Variants in SMAD1 observed in about 807,000 individuals in gnomAD.
SMAD1 encodes the protein MAD, mothers against decapentaplegic homolog 1.
A neutral mutation model predicts 41.6 loss-of-function variants in SMAD1; 6 were observed. The ratio of observed to expected loss-of-function variants is 0.14; its 90% CI spans 0.08 to 0.28. The LOEUF is 0.28. Among genes scored for constraint, SMAD1 ranks in the 10% least tolerant of loss-of-function variants. The probability of loss-of-function intolerance (pLI) is 1.00; values close to 1 mark genes in which losing one functional copy is unlikely to be tolerated. For missense variants in SMAD1, 379 were observed against 582.6 expected (o/e 0.65, Z 3.60); for synonymous variants, 206 against 203.2 (o/e 1.01, Z -0.12).
chr4:145,542,375 A>G (rs1376459426), intron 3 of SMAD1, among the ~76,000 whole-genome samples: 2 of 152,184 alleles, frequency 1.3e-5, no homozygotes, highest in African/African-American at 4.8e-5. Flanking sequence ...CTCCCACTGA[A>G]TTTTCACAAA....
chr4:145,525,039 A>G (rs553337780), intron 2 of SMAD1, among the ~76,000 whole-genome samples: 1 of 152,308 alleles, frequency 6.6e-6, no homozygotes, highest in East Asian at 1.9e-4. Flanking sequence ...AGGAGGAGTC[A>G]CAGGTGATTT....
intron 2 of SMAD1, among the ~76,000 whole-genome samples, chr4:145,521,172 T>C (rs1730722093): frequency 6.6e-6 from 1 of 152,206 alleles, no homozygotes; most frequent in Admixed American, 6.5e-5. Flanking sequence ...GGCTACTTAT[T>C]AGTGGTTGAA....
At chr4:145,505,386 A>G (rs1578758812) in intron 1 of SMAD1, among the ~76,000 whole-genome samples, 1 of 152,162 alleles carries the variant, frequency 6.6e-6, no homozygotes, top group Admixed American at 6.5e-5. Context: ...TGTCTCTGAG[A>G]TATCTTGCAT....
rs1730990408 is a variant in SMAD1, at chr4:145,525,845, A to G, written c.400+10832A>G. 6 of 152,246 alleles carry G rather than the reference A, an allele frequency of 3.9e-5. No individual in the cohort carries two copies. In the South Asian group the frequency reaches 1.2e-3, roughly 31 times the overall value. The allele number at this position is 152,246 out of a possible 1,614,324, so 9.4% of individuals were successfully genotyped here. ...GTGTAATTTCCTTGATAAAAGATCTAGGGTGTTGGAAACACATTCTGTGGC... is the reference window on the plus strand; with the variant it reads ...GTGTAATTTCCTTGATAAAAGATCTGGGGTGTTGGAAACACATTCTGTGGC... On this transcript the variant is annotated intron_variant, in intron 2 of 6. Transcript: ENST00000302085.
In SMAD1 at chr4:145,553,872, C is replaced by T. The variant is rs1732691831; in HGVS notation, c.1086C>T (p.Tyr362=). The T allele has an allele frequency of 6.2e-7, 1 of 1,614,056 alleles. No individual in the cohort carries two copies. The change falls in exon 6 of 7, where the codon TAC becomes TAT. Residue 362 remains tyrosine (Y), a synonymous_variant. Coordinates refer to ENST00000302085, the MANE Select transcript of SMAD1 (RefSeq NM_005900.3). ...TTGTGCAAAGTCGGAACTGCAACTA[C>T]CATCATGGATTTCATCCTACTACTG... ...SIFVQSRNCN[Y]HHGFHPTTVC...
chr4:145,502,962 T>C (rs1729537898), intron 1 of SMAD1: 1 of 152,042 alleles, frequency 6.6e-6, no homozygotes, highest in South Asian at 2.1e-4. Context: ...GCTGTCAGTG[T>C]CTGCGCTTTA....
At chr4:145,491,854 AC>A (rs1274092669) in intron 1 of SMAD1, among the ~76,000 whole-genome samples, 1 of 152,142 alleles carries the variant, frequency 6.6e-6, no homozygotes, top group Non-Finnish European at 1.5e-5. Context: ...TTTCTCTCCT[AC>A]CTGAATTGCA....
At position 145,521,197 on chromosome 4, in the gene SMAD1, T is replaced by C. The variant is rs1038998053; in HGVS notation, c.400+6184T>C. On this transcript the variant is annotated intron_variant, in intron 2 of 6. Coordinates refer to ENST00000302085, the MANE Select transcript of SMAD1 (RefSeq NM_005900.3). ...TAGTGGTTGAATTAAATGTAGGGTTTATTCTTTCTTACCAGAGTAAATGCT... is the reference window on the plus strand; with the variant it reads ...TAGTGGTTGAATTAAATGTAGGGTTCATTCTTTCTTACCAGAGTAAATGCT... Among the ~76,000 whole-genome samples, 4 of 152,214 alleles carry C rather than the reference T, an allele frequency of 2.6e-5. No individual in the cohort carries two copies. The East Asian group carries it at 7.7e-4, about 29-fold the overall frequency.
intron 1 of SMAD1, among the ~76,000 whole-genome samples, chr4:145,508,052 C>G (rs1560734516): frequency 6.7e-6 from 1 of 148,556 alleles, no homozygotes; most frequent in Non-Finnish European, 1.5e-5. Flanking sequence ...TAACTGGCTT[C>G]TATAATGTTT....
At position 145,519,074 on chromosome 4, in the gene SMAD1, G is replaced by T. The variant is rs375461048; in HGVS notation, c.400+4061G>T. Among the ~76,000 whole-genome samples, 51 of 54,026 alleles carry T rather than the reference G, an allele frequency of 9.4e-4. 2 individuals are homozygous for T. Among genetic ancestry groups the T allele is most frequent in the Admixed American group, 1.5e-3 (9 of 6,100 alleles). 35.4% of individuals were successfully genotyped at this position (54,026 alleles called of 152,430 possible). Reference sequence around the variant, plus strand: ...TGCCTATTCTCTGAACCATTTTTTTGTTTGTTTGGTTGGCTTTTTTTTTTT... The same window carrying T: ...TGCCTATTCTCTGAACCATTTTTTTTTTTGTTTGGTTGGCTTTTTTTTTTT... On this transcript the variant is annotated intron_variant, in intron 2 of 6. Coordinates refer to ENST00000302085, the MANE Select transcript of SMAD1 (RefSeq NM_005900.3).
intron 2 of SMAD1, among the ~76,000 whole-genome samples, chr4:145,527,470 G>A (rs1170368788): frequency 1.3e-5 from 2 of 152,034 alleles, no homozygotes; most frequent in Admixed American, 6.6e-5. Context: ...TGATCCGCCC[G>A]CCTCGGCCTC....
intron 1 of SMAD1, among the ~76,000 whole-genome samples, chr4:145,509,713 A>G (rs1196983590): frequency 1.3e-5 from 2 of 152,190 alleles, no homozygotes; most frequent in African/African-American, 4.8e-5. Flanking sequence ...GGAAATTATC[A>G]TATCAATAGG....
At chr4:145,486,825 T>G (rs1339059296) in intron 1 of SMAD1, among the ~76,000 whole-genome samples, 1 of 152,202 alleles carries the variant, frequency 6.6e-6, no homozygotes, top group Admixed American at 6.5e-5. Context: ...GTTACCTGTC[T>G]AGTGATTGGA....
At chr4:145,525,415 C>T (rs1379659413) in intron 2 of SMAD1, among the ~76,000 whole-genome samples, 2 of 152,168 alleles carry the variant, frequency 1.3e-5, no homozygotes, top group Non-Finnish European at 2.9e-5. Flanking sequence ...AGAAGCAGAG[C>T]TGGAGGATTT....
intron 2 of SMAD1, among the ~76,000 whole-genome samples, chr4:145,536,350 G>T (rs147210779): frequency 6.6e-6 from 1 of 152,264 alleles, no homozygotes; most frequent in Non-Finnish European, 1.5e-5. Context: ...GAGATTGCTG[G>T]AGTGGTGGAA....
rs17020310 is a variant in SMAD1 at position 145,543,353 on chromosome 4, A to G, written c.775+655A>G. ...AGTAGAGTTTTCACTGGTGATTTCC[A>G]AAGTTGGAAGTTGGTATAACTGGGC... On this transcript the variant is annotated intron_variant, in intron 4 of 6. Coordinates refer to ENST00000302085, the MANE Select transcript of SMAD1 (RefSeq NM_005900.3). 3.8e-3 allele frequency among the ~76,000 whole-genome samples: 581 copies of G among 152,326 alleles called. 1 individual carries two copies. The highest frequency in any genetic ancestry group is 0.013 in the African/African-American group (547 of 41,580).
chr4:145,496,274 AG>A (rs1413889361), intron 1 of SMAD1, among the ~76,000 whole-genome samples: 2 of 152,036 alleles, frequency 1.3e-5, no homozygotes, highest in Admixed American at 1.3e-4. Flanking sequence ...CATCAAACCA[AG>A]GGGGGGACTA....
At chr4:145,492,258 C>G (rs1366163944) in intron 1 of SMAD1, among the ~76,000 whole-genome samples, 1 of 152,150 alleles carries the variant, frequency 6.6e-6, no homozygotes, top group East Asian at 1.9e-4. Context: ...AGCCTCAGAT[C>G]CCACAGATTG....
chr4:145,492,192 C>G (rs74882207), intron 1 of SMAD1, among the ~76,000 whole-genome samples: 1 of 152,106 alleles, frequency 6.6e-6, no homozygotes, highest in Non-Finnish European at 1.5e-5. Flanking sequence ...TCGCTACACA[C>G]CAAACACTGG....
Sources: allele counts gnomAD v4.1 joint callset (sites outside exome capture counted in the v4.1 genomes callset), GRCh38; gene constraint gnomAD v4.1.1; transcripts MANE v1.5; gene names NCBI Gene and HGNC (gene_info 2026-07-23, HGNC 2026-07-21).